The following CFAP46 variants were observed in gnomAD, a reference collection of about 807,000 sequenced individuals.
The protein encoded by CFAP46 is cilia and flagella associated protein 46.
A neutral mutation model predicts 325.7 loss-of-function variants in CFAP46; 245 were observed. The ratio of observed to expected loss-of-function variants is 0.75; its 90% CI spans 0.68 to 0.84. The LOEUF (loss-of-function observed/expected upper bound fraction) is 0.84. Ranked by LOEUF, CFAP46 falls within the 40% of genes least tolerant of loss-of-function variation. CFAP46 has a pLI of 0.00. For missense variants in CFAP46, 3,346 were observed against 3,543.0 expected, an observed-to-expected ratio of 0.94 and a Z score of 1.41; for synonymous variants, 1,523 against 1,495.9, an observed-to-expected ratio of 1.02 and a Z score of -0.42.
rs555093290 is a variant in CFAP46, at chr10:132,863,705, C to G, written c.4890+2320G>C. On this transcript the variant is annotated intron_variant, in intron 35 of 57. Transcript: ENST00000368586. ...AGACCTGCATGCACACATCTGTCCC[C>G]CTGCCTGAGACCTGCACTCACCTGT... Among the ~76,000 whole-genome samples the G allele has an allele frequency of 2.0e-5, 3 of 150,050 alleles. No individual in the cohort carries two copies. The East Asian group carries it at 5.9e-4, about 29-fold the overall frequency.
intron 32 of CFAP46, 178 bp downstream of exon 32, chr10:132,872,498 G>T: frequency 6.7e-6 from 5 of 748,152 alleles, no homozygotes; most frequent in Non-Finnish European, 1.1e-5. Context: ...GGATCAAATA[G>T]TCCTCCCGTC....
Position 132,808,961 on chromosome 10 carries a change from G to C in CFAP46, c.7665-57C>G. On this transcript the variant is annotated intron_variant, in intron 57 of 57. Coordinates refer to ENST00000368586, the MANE Select transcript of CFAP46 (RefSeq NM_001200049.3). This position sits in a 1 kb window ranked among gnomAD's most constrained non-coding sequence, Gnocchi z 6.8. ...CGAGGCCCCGCAGGACGTCCAGCCC[G>C]GTGAGGACCAGGGCACAGGGGCGGG... 6.7e-7 allele frequency: 1 copy of C among 1,487,760 alleles called. No homozygotes were observed. The highest frequency in any genetic ancestry group is 1.3e-5 in the South Asian group (1 of 74,342). 92.2% of individuals were successfully genotyped at this position (1,487,760 alleles called of 1,614,324 possible).
chr10:132,934,777 G>A lies in CFAP46; in HGVS notation c.841C>T (p.Arg281Cys), dbSNP rs74460040. ...TTTTCTTCACTGATAGAGGGAAAGC[G>A]CTGGTGGTTGTAATGACCTAAGTGT... ...YRHLGHYNHQ[R>C]FPSISEEKML... The change falls in exon 8 of 58, where the codon CGC becomes TGC. Residue 281 changes from arginine to cysteine, a missense_variant. By Grantham distance (180) the Arg-to-Cys change is radical. Coordinates refer to ENST00000368586, the MANE Select transcript of CFAP46 (RefSeq NM_001200049.3). The A allele has an allele frequency of 0.018, 28,605 of 1,607,026 alleles. 359 individuals carry two copies. Among genetic ancestry groups the A allele is most frequent in the African/African-American group, 0.051 (3,829 of 74,828 alleles).
At chr10:132,852,787 A>G (rs2135160541) in intron 39 of CFAP46, among the ~76,000 whole-genome samples, 1 of 152,380 alleles carries the variant, frequency 6.6e-6, no homozygotes, top group Middle Eastern at 3.4e-3. Context: ...ACAAGTTCTC[A>G]CATTTTTGGG....
Position 132,898,947 on chromosome 10 carries a change from G to C in CFAP46, c.3219+12C>G, listed in dbSNP as rs1433834454. ...CAGTGGGAGTCAGGAGCCCCCTCCA[G>C]GGCTGGTGCACCTGCTTTCTGGCCT... On this transcript the variant is annotated intron_variant, in intron 24 of 57. Transcript: ENST00000368586. The C allele has an allele frequency of 6.4e-6, 10 of 1,550,538 alleles. No homozygotes were observed. In the South Asian group the frequency reaches 8.3e-5, roughly 13 times the overall value.
At chr10:132,843,009 G>C (rs11146539) in intron 44 of CFAP46, among the ~76,000 whole-genome samples, 13,071 of 152,294 alleles carry the variant, frequency 0.086, 580 homozygotes, top group Non-Finnish European at 0.098. Context: ...TGAGTTTCAA[G>C]GGAGACAAAC....
At chr10:132,858,216 A>T (rs1848671056) in intron 38 of CFAP46, among the ~76,000 whole-genome samples, 1 of 148,824 alleles carries the variant, frequency 6.7e-6, no homozygotes, top group Non-Finnish European at 1.5e-5. Context: ...TTGCGTGTGG[A>T]CAAGTCCGGG....
At chr10:132,910,194 G>A (rs927694321) in intron 19 of CFAP46, 126 bp from the exon 20 acceptor site, 49 of 897,590 alleles carry the variant, frequency 5.5e-5, no homozygotes, top group Non-Finnish European at 7.2e-5. Context: ...CCTTAAACAC[G>A]AGACCTCAGG....
chr10:132,880,838 C>T, intron 28 of CFAP46, 23 bp downstream of exon 28: 2 of 1,539,790 alleles, frequency 1.3e-6, no homozygotes, highest in South Asian at 1.2e-5. Context: ...GGGGTCGGCA[C>T]CCTGCCAGCG....
At chr10:132,920,232 G>C (rs765017678) in intron 13 of CFAP46, 50 bp from the exon 14 acceptor site, 4 of 1,483,324 alleles carry the variant, frequency 2.7e-6, no homozygotes, top group Non-Finnish European at 3.6e-6. Context: ...GCCAAGGGCC[G>C]GGGACGTGCC....
chr10:132,812,987 G>T, intron 54 of CFAP46, 90 bp from the exon 55 acceptor site: 2 of 932,670 alleles, frequency 2.1e-6, no homozygotes, highest in South Asian at 1.4e-5. Context: ...CATCCTGCGT[G>T]GTCCACGCCT....
At chr10:132,849,371 G>A (rs1848496734) in intron 41 of CFAP46, among the ~76,000 whole-genome samples, 2 of 152,190 alleles carry the variant, frequency 1.3e-5, no homozygotes. Flanking sequence ...GGGCTGCACG[G>A]CACCTGGTGG....
chr10:132,846,080 G>T lies in CFAP46; in HGVS notation c.6415C>A (p.Gln2139Lys). 2 of 1,594,876 alleles carry T rather than the reference G, an allele frequency of 1.3e-6. No homozygotes were observed. The highest frequency in any genetic ancestry group is 1.7e-6 in the Non-Finnish European group (2 of 1,175,984). The change falls in exon 44 of 58, where the codon CAG becomes AAG. Residue 2139 changes from glutamine (Q) to lysine (K), a missense_variant. By Grantham distance (53) the Gln-to-Lys change is moderately conservative (BLOSUM62 1). Coordinates refer to ENST00000368586, the MANE Select transcript of CFAP46 (RefSeq NM_001200049.3). ...ACCTTGGACACGGCGGCCAGCCTCT[G>T]CTCCACACGGGCGCCCAGGCTGGTG... ...TTTSLGARVE[Q>K]RLAAVSKAWQ...
At chr10:132,887,587 C>T (rs1392928126) in intron 25 of CFAP46, among the ~76,000 whole-genome samples, 1 of 22,900 alleles carries the variant, frequency 4.4e-5, no homozygotes. Flanking sequence ...CCCCTCTTCT[C>T]TCCTCTCCCT....
At position 132,814,833 on chromosome 10, in the gene CFAP46, C is replaced by T. The variant is rs565781276; in HGVS notation, c.7188+11G>A. On this transcript the variant is annotated intron_variant, in intron 51 of 57. Transcript: ENST00000368586. ...CACCAGCCCGATCCCCTATCACAGG[C>T]CCCCACCCACCTTCCTGCCCTTCTT... The T allele has an allele frequency of 1.3e-5, 21 of 1,613,994 alleles. No individual in the cohort carries two copies. The highest frequency in any genetic ancestry group is 1.6e-5 in the Non-Finnish European group (19 of 1,179,966).
Position 132,942,500 on chromosome 10 carries a change from C to T in CFAP46, c.-16G>A. On this transcript the variant is annotated 5_prime_UTR_variant, in exon 1 of 58. Coordinates refer to ENST00000368586, the MANE Select transcript of CFAP46 (RefSeq NM_001200049.3). ...CCAGGTCCATGGCGCCGGCGCCCTG[C>T]TCGTCCGCTCTCTCCGGGGTCCGCG... 1 of 1,270,990 alleles carries T rather than the reference C, an allele frequency of 7.9e-7. No homozygotes were observed. Among genetic ancestry groups the T allele is most frequent in the Non-Finnish European group, 9.9e-7 (1 of 1,010,112 alleles). The allele number at this position is 1,270,990 out of a possible 1,614,324, so 78.7% of individuals were successfully genotyped here. A position where few individuals can be genotyped will look rare whatever the true frequency, so the allele number is the denominator to read the frequency against.
At chr10:132,882,607 G>A (rs1466458435) in intron 27 of CFAP46, among the ~76,000 whole-genome samples, 1 of 151,978 alleles carries the variant, frequency 6.6e-6, no homozygotes, top group African/African-American at 2.4e-5. Flanking sequence ...GCGGGTGGGG[G>A]GTCTGGGCTA....
intron 27 of CFAP46, among the ~76,000 whole-genome samples, 189 bp from the exon 28 acceptor site, chr10:132,881,221 T>C (rs1312378507): frequency 6.6e-6 from 1 of 152,022 alleles, no homozygotes; most frequent in South Asian, 2.1e-4. Context: ...TCAGGTGCAG[T>C]TGTTTCTTTT....
chr10:132,936,182 C>G (rs1286110126), intron 7 of CFAP46, among the ~76,000 whole-genome samples: 3 of 125,392 alleles, frequency 2.4e-5, no homozygotes, highest in African/African-American at 9.3e-5. Context: ...TCTCCTCACT[C>G]CCCTCAGCCC....
Sources: gnomAD v4.1 joint callset for allele counts (sites outside exome capture counted in the v4.1 genomes callset) on GRCh38, gnomAD v4.1.1 for gene constraint, Gnocchi (gnomAD v3.1) non-coding constraint, MANE v1.5 for transcripts, NCBI Gene and HGNC (gene_info 2026-07-23, HGNC 2026-07-21) for gene names.